Variants in BCAS3 observed in about 807,000 individuals in gnomAD.
The protein encoded by BCAS3 is BCAS3 microtubule associated cell migration factor.
A neutral mutation model predicts 116.1 loss-of-function variants in BCAS3; 53 were observed. The ratio of observed to expected loss-of-function variants is 0.46; its 90% confidence interval spans 0.37 to 0.57. The LOEUF (loss-of-function observed/expected upper bound fraction) is 0.57, where lower values mean the gene tolerates loss of function less well. Ranked by LOEUF, BCAS3 falls within the 20% of genes least tolerant of loss-of-function variation. The pLI is 0.00. For missense variants in BCAS3, 917 were observed against 1,165.4 expected, an observed-to-expected ratio of 0.79 and a Z score of 3.10; for synonymous variants, 391 against 408.2, an observed-to-expected ratio of 0.96 and a Z score of 0.51.
chr17:60,930,439 A>C (rs2059585557), intron 13 of BCAS3, among the ~76,000 whole-genome samples: 1 of 152,158 alleles, frequency 6.6e-6, no homozygotes, highest in Non-Finnish European at 1.5e-5. Flanking sequence ...AATATAAATA[A>C]ATTCCTTTTA....
intron 5 of BCAS3, among the ~76,000 whole-genome samples, chr17:60,723,270 G>A (rs1402903586): frequency 1.3e-5 from 2 of 152,066 alleles, no homozygotes; most frequent in African/African-American, 4.8e-5. Flanking sequence ...CTGTTGCCCA[G>A]GCTGGAGTGC....
chr17:61,321,032 T>G (rs2055166923), intron 22 of BCAS3, among the ~76,000 whole-genome samples: 1 of 152,204 alleles, frequency 6.6e-6, no homozygotes, highest in Non-Finnish European at 1.5e-5. Flanking sequence ...CTCAGAGAAT[T>G]TAAGATTTTC....
At chr17:61,079,000 AATAC>A (rs1246183515) in intron 21 of BCAS3, among the ~76,000 whole-genome samples, 4 of 152,184 alleles carry the variant, frequency 2.6e-5, no homozygotes, top group African/African-American at 7.2e-5. Flanking sequence ...ATATTTTTAT[AATAC>A]ATGTTCTCTC....
chr17:61,338,890 A>G (rs1226226418), intron 22 of BCAS3, among the ~76,000 whole-genome samples: 1,508 of 25,890 alleles, frequency 0.058, 19 homozygotes, highest in African/African-American at 0.12. Context: ...CTTACTGGGA[A>G]AAAAAAAAAA....
intron 6 of BCAS3, among the ~76,000 whole-genome samples, chr17:60,776,463 G>A (rs1273174545): frequency 6.6e-6 from 1 of 152,208 alleles, no homozygotes; most frequent in Non-Finnish European, 1.5e-5. Context: ...GCTCACGCCT[G>A]TAATCCCAGC....
chr17:61,330,907 T>C (rs1019410892), intron 22 of BCAS3, among the ~76,000 whole-genome samples: 1 of 152,226 alleles, frequency 6.6e-6, no homozygotes, highest in African/African-American at 2.4e-5. Flanking sequence ...CTGTAATCAT[T>C]GTCATTGTGT....
chr17:61,281,706 T>G lies in BCAS3; in HGVS notation c.2426-86621T>G, dbSNP rs762349573. On this transcript the variant is annotated intron_variant, in intron 22 of 23. Coordinates refer to ENST00000407086, the MANE Select transcript of BCAS3 (RefSeq NM_017679.5). The surrounding 1 kb of genome is among the most constrained non-coding windows in gnomAD (Gnocchi z 4.2). ...TGATTTGGAGGAGCTTTCTATATAC[T>G]AAGCAAATTAGCACTCTATCATATA... Among the ~76,000 whole-genome samples the G allele has an allele frequency of 2.0e-5, 3 of 152,236 alleles. No individual in the cohort carries two copies. Among genetic ancestry groups the G allele is most frequent in the Admixed American group, 2.0e-4 (3 of 15,292 alleles).
At chr17:60,788,493 A>G (rs2046478195) in intron 6 of BCAS3, among the ~76,000 whole-genome samples, 2 of 152,350 alleles carry the variant, frequency 1.3e-5, no homozygotes, top group South Asian at 2.1e-4. Flanking sequence ...TGTCTTTAAT[A>G]TAGTTTAATA....
chr17:60,887,219 C>A (rs574811539), intron 9 of BCAS3: 14 of 150,660 alleles, frequency 9.3e-5, no homozygotes, highest in African/African-American at 3.2e-4. Context: ...CAGGTGCGTC[C>A]GTCACCCCTT....
intron 1 of BCAS3, 113 bp from the exon 2 acceptor site, chr17:60,679,340 T>A: frequency 1.5e-6 from 1 of 683,438 alleles, no homozygotes; most frequent in Non-Finnish European, 2.4e-6. Flanking sequence ...TTTCCTACAT[T>A]TGAGGCATTT....
At chr17:60,810,425 T>TG in intron 7 of BCAS3, 1 of 549,188 alleles carries the variant, frequency 1.8e-6, no homozygotes, top group South Asian at 1.5e-5. Flanking sequence ...ATGCAAAGCC[T>TG]GGACGATTGC....
chr17:61,269,574 C>T, intron 22 of BCAS3, among the ~76,000 whole-genome samples: 1 of 152,138 alleles, frequency 6.6e-6, no homozygotes, highest in East Asian at 1.9e-4. Context: ...TCCAATTTCT[C>T]CACATCCTTA....
chr17:60,757,432 G>T (rs1359215506), intron 6 of BCAS3, among the ~76,000 whole-genome samples: 1 of 151,224 alleles, frequency 6.6e-6, no homozygotes, highest in Non-Finnish European at 1.5e-5. Context: ...GTGTGTGTGT[G>T]TGTGTTTTCT....
rs536748859 is a variant in BCAS3, at chr17:61,200,126, C to T, written c.2425+115562C>T. On this transcript the variant is annotated intron_variant, in intron 22 of 23. Coordinates refer to ENST00000407086, the MANE Select transcript of BCAS3 (RefSeq NM_017679.5). This position sits in a 1 kb window ranked among gnomAD's most constrained non-coding sequence, Gnocchi z 5.1. ...TCCTGTCTAAGCCAGTTTGAAGTTG[C>T]CCCCCTTCATTTCTTATCCTCTTTA... 7.2e-5 allele frequency among the ~76,000 whole-genome samples: 11 copies of T among 152,224 alleles called. No individual in the cohort carries two copies. The South Asian group carries it at 2.3e-3, about 32-fold the overall frequency.
intron 7 of BCAS3, among the ~76,000 whole-genome samples, chr17:60,845,550 T>C (rs2052435520): frequency 6.6e-6 from 1 of 152,248 alleles, no homozygotes; most frequent in Non-Finnish European, 1.5e-5. Context: ...GTTCTCCTGG[T>C]TTCTGCTTCA....
intron 5 of BCAS3, among the ~76,000 whole-genome samples, chr17:60,744,213 T>C (rs1207164575): frequency 6.6e-6 from 1 of 152,196 alleles, no homozygotes; most frequent in Admixed American, 6.5e-5. Context: ...TTATTGCTAT[T>C]GTTGGTTTAA....
intron 8 of BCAS3, among the ~76,000 whole-genome samples, chr17:60,870,108 T>A (rs978029984): frequency 2.6e-5 from 4 of 152,218 alleles, no homozygotes; most frequent in African/African-American, 9.6e-5. Flanking sequence ...CAGATAAATG[T>A]AGTCATCTAT....
chr17:61,027,025 T>C, intron 16 of BCAS3: 1 of 862,326 alleles, frequency 1.2e-6, no homozygotes, highest in Non-Finnish European at 1.8e-6. Flanking sequence ...ATGCACCAAG[T>C]TACTGAATAA....
intron 14 of BCAS3, among the ~76,000 whole-genome samples, chr17:60,988,338 CTT>C (rs71148317): frequency 1.0e-3 from 68 of 66,772 alleles, no homozygotes; most frequent in African/African-American, 3.2e-3. Flanking sequence ...TTTTCTTTTT[CTT>C]TTTTTTTTTT....
Sources: gnomAD v4.1 joint callset for allele counts (sites outside exome capture counted in the v4.1 genomes callset) on GRCh38, gnomAD v4.1.1 for gene constraint, Gnocchi (gnomAD v3.1) non-coding constraint, MANE v1.5 for transcripts, NCBI Gene and HGNC (gene_info 2026-07-23, HGNC 2026-07-21) for gene names.